RIPK1: variants seen among roughly 807,000 people sequenced by gnomAD.
The protein encoded by RIPK1 is receptor interacting serine/threonine kinase 1.
Under a neutral mutation model 62.4 loss-of-function variants are expected in RIPK1, and 27 were observed. That is an observed-to-expected ratio of 0.43 (90% CI 0.32 to 0.60). The LOEUF is 0.60. RIPK1 is among the 20% of genes least tolerant of loss of function. RIPK1 has a pLI of 0.07. For synonymous variants in RIPK1, 287 were observed against 303.2 expected, an observed-to-expected ratio of 0.95 and a Z score of 0.55; for missense variants, 735 against 831.0, an observed-to-expected ratio of 0.88 and a Z score of 1.42.
chr6:3,083,211 G>C lies in RIPK1; in HGVS notation c.586G>C (p.Glu196Gln). The part of the protein sequence containing the change: ...NGGTLYYMAP[E>Q]HLNDVNAKPT... ...CGGCACCCTCTACTACATGGCGCCC[G>C]AGCACCTGAATGACGTCAACGCAAA... Residue 196 changes from glutamate to glutamine, a missense_variant, in exon 5 of 11, where the codon GAG (glutamate) becomes CAG (glutamine). By Grantham distance (29) the Glu-to-Gln change is conservative. Coordinates refer to ENST00000259808, the MANE Select transcript of RIPK1 (RefSeq NM_001354930.2). 6.2e-7 allele frequency: 1 copy of C among 1,614,018 alleles called. No individual in the cohort carries two copies. The highest frequency in any genetic ancestry group is 8.5e-7 in the Non-Finnish European group (1 of 1,180,002).
chr6:3,084,896 C>T (rs1759608460), intron 5 of RIPK1, among the ~76,000 whole-genome samples: 1 of 151,990 alleles, frequency 6.6e-6, no homozygotes, highest in African/African-American at 2.4e-5. Flanking sequence ...CCAGCCTCAG[C>T]CTTCTTGAAT....
chr6:3,097,027 T>C (rs1484236973), intron 7 of RIPK1, among the ~76,000 whole-genome samples: 2 of 152,020 alleles, frequency 1.3e-5, no homozygotes, highest in South Asian at 2.1e-4. Flanking sequence ...TGCGCCACCA[T>C]GCCCGGCTAA....
chr6:3,077,758 T>G, intron 2 of RIPK1, 21 bp from the exon 3 acceptor site: 5 of 1,613,440 alleles, frequency 3.1e-6, no homozygotes, highest in African/African-American at 1.3e-5. Context: ...AGCCTCAGCA[T>G]AGCACCTTTC....
intron 5 of RIPK1, 46 bp downstream of exon 5, chr6:3,083,359 C>A: frequency 1.3e-6 from 2 of 1,497,724 alleles, no homozygotes; most frequent in Non-Finnish European, 1.8e-6. Context: ...AGCATCTACA[C>A]GCACTGTGCC....
At chr6:3,112,349 G>T (rs1424194226) in intron 10 of RIPK1, among the ~76,000 whole-genome samples, 1 of 152,188 alleles carries the variant, frequency 6.6e-6, no homozygotes, top group African/African-American at 2.4e-5. Context: ...TGTAAGCGGA[G>T]AATGTCTAAA....
intron 3 of RIPK1, 101 bp from the exon 4 acceptor site, chr6:3,080,878 C>T: frequency 1.8e-6 from 2 of 1,131,940 alleles, no homozygotes; most frequent in Non-Finnish European, 1.3e-6. Context: ...AACCTGGTAA[C>T]CTTCTCCTCA....
intron 7 of RIPK1, among the ~76,000 whole-genome samples, chr6:3,101,243 ACT>A (rs1162679001): frequency 1.3e-5 from 2 of 152,012 alleles, no homozygotes; most frequent in Admixed American, 1.3e-4. Context: ...ACACAGTGAG[ACT>A]CTGTCTCAAG....
chr6:3,069,690 A>C (rs1758594181), intron 1 of RIPK1, among the ~76,000 whole-genome samples: 1 of 152,214 alleles, frequency 6.6e-6, no homozygotes, highest in Non-Finnish European at 1.5e-5. Flanking sequence ...AGATGGACTG[A>C]GTCAAGAGGA....
At chr6:3,104,463 G>A (rs1760734148) in intron 8 of RIPK1, 148 bp downstream of exon 8, 3 of 573,370 alleles carry the variant, frequency 5.2e-6, no homozygotes, top group South Asian at 4.6e-5. Context: ...AATAATATTC[G>A]AGAGTCAAGT....
intron 2 of RIPK1, 148 bp from the exon 3 acceptor site, chr6:3,077,631 C>A: frequency 1.3e-6 from 1 of 763,886 alleles, no homozygotes; most frequent in Non-Finnish European, 2.0e-6. Context: ...ACCGCTCTGC[C>A]TTCTAACGCT....
chr6:3,076,722 A>T (rs1190534639), intron 1 of RIPK1, 42 bp from the exon 2 acceptor site: 3 of 586,612 alleles, frequency 5.1e-6, no homozygotes, highest in East Asian at 5.7e-5. Context: ...ATATATATAT[A>T]TATAGTCTTG....
chr6:3,101,144 G>A (rs1760569915), intron 7 of RIPK1, among the ~76,000 whole-genome samples: 1 of 152,162 alleles, frequency 6.6e-6, no homozygotes, highest in African/African-American at 2.4e-5. Context: ...CAAGCGTGGT[G>A]GCGCATGCCT....
intron 7 of RIPK1, among the ~76,000 whole-genome samples, chr6:3,094,237 C>T (rs1760163542): frequency 6.6e-6 from 1 of 152,050 alleles, no homozygotes; most frequent in Non-Finnish European, 1.5e-5. Context: ...CTGCAGTGCA[C>T]CTACCTTTAA....
At chr6:3,074,433 C>T (rs972505214) in intron 1 of RIPK1, among the ~76,000 whole-genome samples, 4 of 152,182 alleles carry the variant, frequency 2.6e-5, no homozygotes, top group Non-Finnish European at 5.9e-5. Flanking sequence ...TTCACTCATT[C>T]TCTTACTGAT....
At chr6:3,110,204 A>AT (rs3082523) in intron 9 of RIPK1, among the ~76,000 whole-genome samples, 34 of 98,452 alleles carry the variant, frequency 3.5e-4, no homozygotes, top group African/African-American at 7.2e-4. Context: ...AAGAATCACG[A>AT]TTTTTTTTTT....
intron 5 of RIPK1, 138 bp from the exon 6 acceptor site, chr6:3,085,121 C>G (rs1487351104): frequency 1.3e-5 from 11 of 831,410 alleles, no homozygotes; most frequent in Non-Finnish European, 2.1e-5. Context: ...ATGTCAGCTC[C>G]TTGTCATAAG....
At position 3,113,041 on chromosome 6, in the gene RIPK1, C is replaced by G. The variant is rs1223925533; in HGVS notation, c.1730-12C>G. The G allele has an allele frequency of 6.6e-7, 1 of 1,514,178 alleles. No individual in the cohort carries two copies. Among genetic ancestry groups the G allele is most frequent in the Non-Finnish European group, 8.8e-7 (1 of 1,131,284 alleles). 93.8% of individuals were successfully genotyped at this position (1,514,178 alleles called of 1,614,324 possible). A position where few individuals can be genotyped will look rare whatever the true frequency, so the allele number is the denominator to read the frequency against. On this transcript the variant is annotated splice_polypyrimidine_tract_variant and intron_variant, in intron 10 of 10. Transcript: ENST00000259808. The surrounding 1 kb of genome is among the most constrained non-coding windows in gnomAD (Gnocchi z 5.0). The stretch of plus-strand genomic sequence containing the variant: ...TTTAGCTTGATACCTTCTTCTTTTT[C>G]CCATTTGGCAGATAATACCACTAGT...
intron 4 of RIPK1, among the ~76,000 whole-genome samples, chr6:3,081,319 C>T (rs1052659580): frequency 6.6e-6 from 1 of 152,180 alleles, no homozygotes; most frequent in Non-Finnish European, 1.5e-5. Flanking sequence ...GTCAGGATAA[C>T]TCATATCTTT....
upstream of RIPK1, among the ~76,000 whole-genome samples, chr6:3,065,264 CAAAAAAAAAAAAAAAAA>C (rs57722248): frequency 7.4e-5 from 3 of 40,636 alleles, no homozygotes; most frequent in Admixed American, 1.1e-3. Context: ...GACTCCGTCT[CAAAAAAAAAAAAAAAAA>C]AAAAAAAAAA....
Sources: gnomAD v4.1 joint callset for allele counts (sites outside exome capture counted in the v4.1 genomes callset) on GRCh38, gnomAD v4.1.1 for gene constraint, Gnocchi (gnomAD v3.1) non-coding constraint, MANE v1.5 for transcripts, NCBI Gene and HGNC (gene_info 2026-07-23, HGNC 2026-07-21) for gene names.